SPOCK3: variants seen among roughly 807,000 people sequenced by gnomAD.
SPOCK3 encodes the protein SPARC (osteonectin), cwcv and kazal like domains proteoglycan 3, also known as testican-3.
A neutral mutation model predicts 56.6 loss-of-function variants in SPOCK3; 30 were observed. That is an observed-to-expected ratio of 0.53 (90% CI 0.40 to 0.72). SPOCK3 has a LOEUF of 0.72. Ranked by LOEUF, SPOCK3 falls within the 30% of genes least tolerant of loss-of-function variation. SPOCK3 has a pLI of 0.00. For synonymous variants in SPOCK3, 196 were observed against 183.3 expected (o/e 1.07, Z -0.56); for missense variants, 527 against 530.0 (o/e 0.99, Z 0.06).
At chr4:167,087,077 C>A (rs35972855) in intron 2 of SPOCK3, among the ~76,000 whole-genome samples, 3,912 of 152,150 alleles carry the variant, frequency 0.026, 82 homozygotes, top group Middle Eastern at 0.061. Context: ...ACAAAATGAT[C>A]TAAATAATTT....
In SPOCK3 at chr4:167,062,498, C is replaced by A; in HGVS notation, c.229G>T (p.Asp77Tyr). 1 of 1,601,718 alleles carries A rather than the reference C, an allele frequency of 6.2e-7. No individual in the cohort carries two copies. The highest frequency in any genetic ancestry group is 8.5e-7 in the Non-Finnish European group (1 of 1,170,576). The change falls in exon 3 of 11, where the codon GAT (aspartate) becomes TAT (tyrosine). Residue 77 changes from aspartate to tyrosine, a missense_variant. Coordinates refer to ENST00000357545, the MANE Select transcript of SPOCK3 (RefSeq NM_001040159.2). ...FRTWSPGKPFDQALDPAKDPC... is the reference protein window; with the variant it reads ...FRTWSPGKPFYQALDPAKDPC... The stretch of plus-strand genomic sequence containing the variant: ...AAAATAGTTAGATTCTTACCCTGAT[C>A]GAAGGGTTTTCCTGGACTCCAAGTG...
chr4:166,785,159 T>C (rs917082722), intron 7 of SPOCK3, among the ~76,000 whole-genome samples: 7 of 152,142 alleles, frequency 4.6e-5, no homozygotes, highest in African/African-American at 1.7e-4. Flanking sequence ...TTCAACTTCT[T>C]ATCGTAAAAC....
intron 2 of SPOCK3, among the ~76,000 whole-genome samples, chr4:167,163,034 A>G (rs1443661810): frequency 6.6e-6 from 1 of 151,874 alleles, no homozygotes; most frequent in Non-Finnish European, 1.5e-5. Flanking sequence ...CACATATTTG[A>G]TACTAAAACC....
intron 4 of SPOCK3, among the ~76,000 whole-genome samples, chr4:166,998,211 T>A (rs561098508): frequency 2.6e-5 from 4 of 152,152 alleles, no homozygotes; most frequent in Non-Finnish European, 5.9e-5. Context: ...ATAAATAGTC[T>A]CTATCAGAAA....
At chr4:167,201,677 C>T (rs921316324) in intron 2 of SPOCK3, among the ~76,000 whole-genome samples, 1 of 150,968 alleles carries the variant, frequency 6.6e-6, no homozygotes, top group Non-Finnish European at 1.5e-5. Flanking sequence ...GAAGAAATCA[C>T]CTTTTTTTTT....
intron 2 of SPOCK3, among the ~76,000 whole-genome samples, chr4:167,123,255 A>C (rs1490103962): frequency 6.6e-6 from 1 of 152,174 alleles, no homozygotes; most frequent in Non-Finnish European, 1.5e-5. Flanking sequence ...TATGAATGAT[A>C]TATAAGTTAA....
intron 2 of SPOCK3, among the ~76,000 whole-genome samples, chr4:167,103,542 T>C (rs907571880): frequency 6.6e-6 from 1 of 152,264 alleles, no homozygotes; most frequent in African/African-American, 2.4e-5. Flanking sequence ...GGACTTTGTC[T>C]TGCAGTTTCA....
intron 9 of SPOCK3, among the ~76,000 whole-genome samples, chr4:166,741,258 G>T (rs1734813992): frequency 1.3e-5 from 2 of 152,174 alleles, no homozygotes; most frequent in African/African-American, 4.8e-5. Flanking sequence ...TTATAGCAAT[G>T]CTAATTTCTT....
intron 2 of SPOCK3, among the ~76,000 whole-genome samples, chr4:167,101,980 G>A (rs1759693838): frequency 6.6e-6 from 1 of 151,870 alleles, no homozygotes; most frequent in African/African-American, 2.4e-5. Context: ...TTACAGGCAT[G>A]AGCCACTGCA....
At chr4:166,833,011 A>G (rs537050175) in intron 6 of SPOCK3, among the ~76,000 whole-genome samples, 1 of 152,306 alleles carries the variant, frequency 6.6e-6, no homozygotes, top group African/African-American at 2.4e-5. Context: ...ATCATGCAAT[A>G]TACTCATGTA....
chr4:166,833,263 G>A lies in SPOCK3; in HGVS notation c.590-40974C>T, dbSNP rs182299165. The stretch of plus-strand genomic sequence containing the variant: ...CTGTTGATGTTTGTTTAATGATCCA[G>A]ATATGGGTTACTAGGTGACTATCAT... On this transcript the variant is annotated intron_variant, in intron 6 of 10. Coordinates refer to ENST00000357545, the MANE Select transcript of SPOCK3 (RefSeq NM_001040159.2). Among the ~76,000 whole-genome samples the A allele has an allele frequency of 4.6e-5, 7 of 152,226 alleles. No individual in the cohort carries two copies. In the East Asian group the frequency reaches 1.4e-3, roughly 29 times the overall value.
intron 6 of SPOCK3, among the ~76,000 whole-genome samples, chr4:166,887,693 T>C (rs866853957): frequency 6.6e-6 from 1 of 151,892 alleles, no homozygotes; most frequent in Non-Finnish European, 1.5e-5. Context: ...TAGTTAAACT[T>C]AGACTGGGGC....
intron 2 of SPOCK3, among the ~76,000 whole-genome samples, chr4:167,065,761 A>G (rs1429585660): frequency 1.3e-5 from 2 of 151,908 alleles, no homozygotes; most frequent in African/African-American, 2.4e-5. Context: ...GTATTTTCAC[A>G]TAAGTGTTCA....
intron 4 of SPOCK3, among the ~76,000 whole-genome samples, chr4:166,934,156 G>A (rs1740102625): frequency 6.6e-6 from 1 of 151,994 alleles, no homozygotes; most frequent in African/African-American, 2.4e-5. Flanking sequence ...GTTCAAAATA[G>A]TAGGGAATAG....
At position 166,767,601 on chromosome 4, in the gene SPOCK3, C is replaced by T. The variant is rs566746869; in HGVS notation, c.710-12872G>A. ...TTTTACATTTGCTGAGGAGTGCTTT[C>T]CTTCCAACTAAGTGGTGAATTTTGG... On this transcript the variant is annotated intron_variant, in intron 7 of 10. Coordinates refer to ENST00000357545, the MANE Select transcript of SPOCK3 (RefSeq NM_001040159.2). Among the ~76,000 whole-genome samples, 8 of 152,244 alleles carry T rather than the reference C, an allele frequency of 5.3e-5. 2 individuals carry two copies. The South Asian group carries it at 1.7e-3, about 32-fold the overall frequency.
chr4:166,902,501 G>GAT (rs150908277), intron 5 of SPOCK3, among the ~76,000 whole-genome samples: 4,407 of 151,594 alleles, frequency 0.029, 181 homozygotes, highest in African/African-American at 0.09. Flanking sequence ...TTAAACTTTT[G>GAT]ACTTTCTCAT....
At chr4:166,854,349 C>A (rs1332012343) in intron 6 of SPOCK3, among the ~76,000 whole-genome samples, 1 of 152,180 alleles carries the variant, frequency 6.6e-6, no homozygotes, top group East Asian at 1.9e-4. Flanking sequence ...ATTTTAAATA[C>A]AAACATATTC....
rs764475155 is a variant in SPOCK3, at chr4:166,754,668, A to C, written c.771T>G (p.Leu257=). The change falls in exon 8 of 11, where the codon CTT becomes CTG. Residue 257 remains leucine (L), a synonymous_variant. Transcript: ENST00000357545. The part of the protein sequence containing the change: ...KDSLGWMFNR[L]DTNYDLLLDQ... ...CCAATAGCAGGTCATAGTTTGTATC[A>C]AGTCTGTTAAACATCCAGCCAAGTG... The C allele has an allele frequency of 6.2e-7, 1 of 1,613,770 alleles. No individual in the cohort carries two copies. The highest frequency in any genetic ancestry group is 1.1e-5 in the South Asian group (1 of 91,070).
chr4:167,169,436 A>G (rs1397330087), intron 2 of SPOCK3, among the ~76,000 whole-genome samples: 1 of 152,132 alleles, frequency 6.6e-6, no homozygotes, highest in East Asian at 1.9e-4. Context: ...ATCATTTTGG[A>G]GCTTTAAGAA....
Sources: allele counts gnomAD v4.1 joint callset (sites outside exome capture counted in the v4.1 genomes callset), GRCh38; gene constraint gnomAD v4.1.1; transcripts MANE v1.5; gene names NCBI Gene and HGNC (gene_info 2026-07-23, HGNC 2026-07-21).